MYO5A: variants seen among roughly 807,000 people sequenced by gnomAD.
MYO5A encodes the protein unconventional myosin-Va.
A neutral mutation model predicts 249.7 loss-of-function variants in MYO5A; 98 were observed. The observed-to-expected ratio is 0.39, with a 90% CI of 0.33 to 0.46. The LOEUF (loss-of-function observed/expected upper bound fraction) is 0.46. MYO5A is among the 20% of genes least tolerant of loss of function. The pLI, the probability that MYO5A is intolerant of heterozygous loss-of-function variation, is 0.98. For synonymous variants in MYO5A, 778 were observed against 810.6 expected (o/e 0.96, Z 0.68); for missense variants, 1,696 against 2,308.8 (o/e 0.73, Z 5.44).
chr15:52,493,260 G>A (rs2076971095), intron 1 of MYO5A, among the ~76,000 whole-genome samples: 1 of 152,178 alleles, frequency 6.6e-6, no homozygotes, highest in Non-Finnish European at 1.5e-5. Context: ...TTGCAAATGA[G>A]ATGTATAATA....
At chr15:52,380,011 G>C in intron 16 of MYO5A, 103 bp from the exon 17 acceptor site, 1 of 1,116,662 alleles carries the variant, frequency 9.0e-7, no homozygotes, top group Non-Finnish European at 1.3e-6. Context: ...GAGCAAAATG[G>C]ATAAATCAGA....
chr15:52,459,000 T>C (rs939196284), intron 1 of MYO5A, among the ~76,000 whole-genome samples: 9 of 151,812 alleles, frequency 5.9e-5, no homozygotes, highest in African/African-American at 1.7e-4. Context: ...GTAAAAATTC[T>C]TTTTTGGGGG....
At chr15:52,365,677 C>T (rs1364523388) in intron 23 of MYO5A, among the ~76,000 whole-genome samples, 1 of 152,142 alleles carries the variant, frequency 6.6e-6, no homozygotes, top group Non-Finnish European at 1.5e-5. Context: ...CAGTGCTTCC[C>T]TAGAGTAGGG....
chr15:52,389,713 G>A (rs2042131596), intron 12 of MYO5A, among the ~76,000 whole-genome samples: 1 of 152,136 alleles, frequency 6.6e-6, no homozygotes, highest in Non-Finnish European at 1.5e-5. Flanking sequence ...AGCACTTTGG[G>A]AAGCCAAGGC....
At position 52,375,395 on chromosome 15, in the gene MYO5A, A is replaced by C. The variant is rs759128918; in HGVS notation, c.2486T>G (p.Val829Gly). The C allele has an allele frequency of 6.2e-7, 1 of 1,614,204 alleles. No homozygotes were observed. The highest frequency in any genetic ancestry group is 8.5e-7 in the Non-Finnish European group (1 of 1,180,022). ...TIIQKYWRMY[V>G]VRRRYKIRRA... ...TCTAATCTTGTACCTCCTGCGGACC[A>C]CATACATGCGCCAGTACTTTTGAAT... Residue 829 changes from valine to glycine, a missense_variant, in exon 20 of 42, where the codon GTG (valine) becomes GGG (glycine). Physicochemically the swap from Val to Gly is moderately radical, Grantham distance 109. Transcript: ENST00000399233.
intron 5 of MYO5A, among the ~76,000 whole-genome samples, chr15:52,412,127 A>G (rs1376224995): frequency 6.6e-6 from 1 of 152,232 alleles, no homozygotes; most frequent in Non-Finnish European, 1.5e-5. Flanking sequence ...TACATGTAGT[A>G]GAAGTAGCAG....
intron 23 of MYO5A, among the ~76,000 whole-genome samples, chr15:52,366,629 C>CAAAAAAAAAAAAAAAAAAA (rs60631867): frequency 8.0e-5 from 6 of 74,558 alleles, no homozygotes; most frequent in Non-Finnish European, 1.8e-4. Context: ...ATTGATTTAG[C>CAAAAAAAAAAAAAAAAAAA]AAAAAAAAAA....
chr15:52,397,524 G>T, intron 9 of MYO5A, 58 bp from the exon 10 acceptor site: 1 of 1,579,926 alleles, frequency 6.3e-7, no homozygotes, highest in Non-Finnish European at 8.7e-7. Context: ...AGAATCTCTC[G>T]GAAAATGTTA....
At chr15:52,479,996 G>C (rs2076682590) in intron 1 of MYO5A, among the ~76,000 whole-genome samples, 1 of 152,190 alleles carries the variant, frequency 6.6e-6, no homozygotes, top group African/African-American at 2.4e-5. Context: ...TGGAAGTAAA[G>C]ATTATGTAAA....
intron 1 of MYO5A, among the ~76,000 whole-genome samples, chr15:52,494,835 G>A (rs1009836703): frequency 2.0e-5 from 3 of 152,036 alleles, no homozygotes; most frequent in Non-Finnish European, 4.4e-5. Flanking sequence ...GCCAAGCTAC[G>A]GGCAAGTGTT....
At chr15:52,376,172 T>C (rs1218758411) in intron 19 of MYO5A, among the ~76,000 whole-genome samples, 175 bp downstream of exon 19, 4 of 152,256 alleles carry the variant, frequency 2.6e-5, no homozygotes, top group African/African-American at 9.6e-5. Flanking sequence ...ATCTGAATCA[T>C]TCATAAGGCT....
chr15:52,498,183 A>G (rs1018032682), intron 1 of MYO5A, among the ~76,000 whole-genome samples: 3 of 152,242 alleles, frequency 2.0e-5, no homozygotes, highest in African/African-American at 7.2e-5. Context: ...GACTAATAAA[A>G]TTATAAAACA....
At chr15:52,428,984 T>C (rs940235846) in intron 2 of MYO5A, among the ~76,000 whole-genome samples, 1 of 152,232 alleles carries the variant, frequency 6.6e-6, no homozygotes, top group South Asian at 2.1e-4. Context: ...TTACTTTTTA[T>C]GTGGTCTTGA....
chr15:52,454,786 A>T (rs1022777545), intron 1 of MYO5A, among the ~76,000 whole-genome samples: 5 of 152,178 alleles, frequency 3.3e-5, no homozygotes, highest in African/African-American at 1.2e-4. Flanking sequence ...AAAAACGGTA[A>T]TACAACATAC....
At chr15:52,488,226 G>A (rs561137599) in intron 1 of MYO5A, among the ~76,000 whole-genome samples, 11 of 151,542 alleles carry the variant, frequency 7.3e-5, no homozygotes, top group Non-Finnish European at 1.5e-4. Context: ...AAAAGACAGA[G>A]AAGCTTATTT....
intron 40 of MYO5A, 152 bp downstream of exon 40, chr15:52,316,896 C>T (rs1435647376): frequency 6.4e-6 from 5 of 777,598 alleles, no homozygotes; most frequent in Non-Finnish European, 1.0e-5. Context: ...GGCAAAATCT[C>T]CTTGCTTTAA....
intron 11 of MYO5A, among the ~76,000 whole-genome samples, chr15:52,395,986 T>C (rs797003165): frequency 3.9e-5 from 6 of 152,320 alleles, no homozygotes; most frequent in African/African-American, 1.4e-4. Context: ...TGATTCCACA[T>C]ACAATAAACT....
intron 1 of MYO5A, among the ~76,000 whole-genome samples, chr15:52,508,617 C>G (rs7180761): frequency 6.6e-6 from 1 of 151,918 alleles, no homozygotes; most frequent in Non-Finnish European, 1.5e-5. Flanking sequence ...TATTATTCCC[C>G]GCCTCACCCC....
intron 1 of MYO5A, among the ~76,000 whole-genome samples, chr15:52,509,107 G>A (rs1758348640): frequency 6.6e-6 from 1 of 152,020 alleles, no homozygotes; most frequent in Admixed American, 6.6e-5. Context: ...GAGTAACTGG[G>A]ACTATGGGCA....
Sources: gnomAD v4.1 joint callset for allele counts (sites outside exome capture counted in the v4.1 genomes callset) on GRCh38, gnomAD v4.1.1 for gene constraint, MANE v1.5 for transcripts, NCBI Gene and HGNC (gene_info 2026-07-23, HGNC 2026-07-21) for gene names.